Variants in CERS6 observed in about 807,000 individuals in gnomAD.
The protein encoded by CERS6 is LAG1 homolog, ceramide synthase 6.
A neutral mutation model predicts 56.8 loss-of-function variants in CERS6; 26 were observed. The observed-to-expected ratio is 0.46, with a 90% CI of 0.34 to 0.63. The LOEUF (loss-of-function observed/expected upper bound fraction) is 0.63. Among genes scored for constraint, CERS6 ranks in the 30% least tolerant of loss-of-function variants. CERS6 has a pLI of 0.01. For synonymous variants in CERS6, 164 were observed against 173.3 expected (o/e 0.95, Z 0.42); for missense variants, 415 against 467.5 (o/e 0.89, Z 1.04).
At chr2:168,701,846 A>G (rs1215132298) in intron 6 of CERS6, among the ~76,000 whole-genome samples, 2 of 152,136 alleles carry the variant, frequency 1.3e-5, no homozygotes, top group Admixed American at 1.3e-4. Context: ...TTGCTAAAAA[A>G]TAAAATAAAA....
At chr2:168,515,093 A>AT (rs1171863075) in intron 1 of CERS6, among the ~76,000 whole-genome samples, 1 of 152,196 alleles carries the variant, frequency 6.6e-6, no homozygotes, top group African/African-American at 2.4e-5. Flanking sequence ...ATAAAATGAG[A>AT]TTTTAGTATT....
intron 1 of CERS6, among the ~76,000 whole-genome samples, chr2:168,466,220 T>A (rs1467287807): frequency 6.6e-6 from 1 of 152,118 alleles, no homozygotes; most frequent in Non-Finnish European, 1.5e-5. Context: ...AACTTAATAA[T>A]AGTAAACTGG....
chr2:168,704,687 A>G (rs1303531088), intron 6 of CERS6, among the ~76,000 whole-genome samples: 1 of 151,548 alleles, frequency 6.6e-6, no homozygotes, highest in East Asian at 1.9e-4. Context: ...GTTCACTGCA[A>G]CCTCCACCTC....
At chr2:168,741,490 A>T (rs1683905807) in intron 8 of CERS6, among the ~76,000 whole-genome samples, 1 of 152,200 alleles carries the variant, frequency 6.6e-6, no homozygotes, top group Non-Finnish European at 1.5e-5. Context: ...GGGCCACACA[A>T]AAAATACAAT....
At chr2:168,741,390 A>G (rs7559181) in intron 8 of CERS6, among the ~76,000 whole-genome samples, 66,005 of 150,160 alleles carry the variant, frequency 0.44, 16,722 homozygotes, top group Admixed American at 0.57. Flanking sequence ...AAAAAAAAAA[A>G]AAAAAGACAA....
intron 8 of CERS6, among the ~76,000 whole-genome samples, chr2:168,729,399 T>G (rs1010843813): frequency 2.6e-5 from 4 of 152,236 alleles, no homozygotes; most frequent in African/African-American, 9.6e-5. Flanking sequence ...TATACCAGGC[T>G]AGTGCTCTCC....
intron 1 of CERS6, among the ~76,000 whole-genome samples, chr2:168,483,122 A>G (rs923842940): frequency 1.3e-5 from 2 of 152,228 alleles, no homozygotes; most frequent in Non-Finnish European, 2.9e-5. Flanking sequence ...CATTTATTGT[A>G]GCTGTGCTAC....
intron 9 of CERS6, among the ~76,000 whole-genome samples, chr2:168,767,612 T>G (rs987357631): frequency 2.6e-5 from 4 of 152,176 alleles, no homozygotes; most frequent in African/African-American, 9.7e-5. Context: ...GATATTTACT[T>G]CATCACCACT....
chr2:168,464,132 G>A (rs1028995074), intron 1 of CERS6, among the ~76,000 whole-genome samples: 1 of 150,632 alleles, frequency 6.6e-6, no homozygotes, highest in African/African-American at 2.5e-5. Context: ...ATGTGGAGTG[G>A]TCTTATCGTG....
At chr2:168,634,640 T>G (rs1293055472) in intron 4 of CERS6, among the ~76,000 whole-genome samples, 2 of 152,202 alleles carry the variant, frequency 1.3e-5, no homozygotes, top group African/African-American at 4.8e-5. Flanking sequence ...CTCGAACTCC[T>G]GACCTCAGGT....
At chr2:168,676,484 G>A (rs1185016161) in intron 4 of CERS6, among the ~76,000 whole-genome samples, 6 of 152,192 alleles carry the variant, frequency 3.9e-5, no homozygotes, top group Non-Finnish European at 7.3e-5. Context: ...TTGGGAAGAT[G>A]TAAGGTTCAT....
intron 8 of CERS6, among the ~76,000 whole-genome samples, chr2:168,747,306 T>TA (rs200737463): frequency 7.0e-6 from 1 of 143,532 alleles, no homozygotes; most frequent in African/African-American, 2.6e-5. Flanking sequence ...TTTTTTTTTT[T>TA]AATCTTTTGT....
chr2:168,690,112 A>G (rs1356782578), intron 4 of CERS6, among the ~76,000 whole-genome samples: 2 of 152,214 alleles, frequency 1.3e-5, no homozygotes, highest in African/African-American at 2.4e-5. Context: ...AGGAGGACTC[A>G]GCAGATATTA....
intron 4 of CERS6, among the ~76,000 whole-genome samples, chr2:168,679,604 A>G (rs1454983349): frequency 6.6e-6 from 1 of 152,228 alleles, no homozygotes; most frequent in Non-Finnish European, 1.5e-5. Context: ...TTAGTCATGA[A>G]AAACAGTTTA....
intron 8 of CERS6, among the ~76,000 whole-genome samples, chr2:168,722,173 A>C (rs535601520): frequency 6.6e-6 from 1 of 152,330 alleles, no homozygotes; most frequent in South Asian, 2.1e-4. Context: ...GAACATAATA[A>C]TGTATATTAT....
intron 1 of CERS6, among the ~76,000 whole-genome samples, chr2:168,479,431 T>C (rs574352550): frequency 2.0e-5 from 3 of 152,312 alleles, no homozygotes; most frequent in Admixed American, 6.5e-5. Context: ...TTTTCACATA[T>C]GACAAATTTG....
intron 3 of CERS6, among the ~76,000 whole-genome samples, chr2:168,577,989 T>C (rs1683319430): frequency 6.6e-6 from 1 of 152,052 alleles, no homozygotes; most frequent in Non-Finnish European, 1.5e-5. Context: ...CACAAGTCAC[T>C]ATGTCCCAGT....
chr2:168,764,747 A>T (rs533175709), intron 8 of CERS6, among the ~76,000 whole-genome samples: 1 of 152,308 alleles, frequency 6.6e-6, no homozygotes, highest in East Asian at 1.9e-4. Flanking sequence ...CCCAAAAGCA[A>T]CTTCAAAGAT....
chr2:168,562,023 G>C (rs543944533), intron 3 of CERS6, among the ~76,000 whole-genome samples: 1 of 152,260 alleles, frequency 6.6e-6, no homozygotes, highest in Non-Finnish European at 1.5e-5. Context: ...AAGGGAAGAC[G>C]TGCCTGGAGA....
Sources: allele counts gnomAD v4.1 joint callset (sites outside exome capture counted in the v4.1 genomes callset), GRCh38; gene constraint gnomAD v4.1.1; transcripts MANE v1.5; gene names NCBI Gene and HGNC (gene_info 2026-07-23, HGNC 2026-07-21).